The following TCERG1L variants were observed in gnomAD, a reference collection of about 807,000 sequenced individuals.
The protein encoded by TCERG1L is transcription elongation regulator 1 like.
In TCERG1L, 37 loss-of-function variants were observed where a neutral mutation model predicts 56.3. The ratio of observed to expected loss-of-function variants is 0.66; its 90% CI spans 0.51 to 0.87. The LOEUF (loss-of-function observed/expected upper bound fraction) is 0.87. Ranked by LOEUF, TCERG1L falls within the 40% of genes least tolerant of loss-of-function variation. The pLI is 0.00. For synonymous variants in TCERG1L, 324 were observed against 326.3 expected, an observed-to-expected ratio of 0.99 and a Z score of 0.08; for missense variants, 799 against 774.2, an observed-to-expected ratio of 1.03 and a Z score of -0.38.
At chr10:131,256,948 A>AGAAGGAAGGAAGGAAGGAAGGAAGGAAG (rs71009955) in intron 4 of TCERG1L, among the ~76,000 whole-genome samples, 31 of 60,792 alleles carry the variant, frequency 5.1e-4, no homozygotes, top group East Asian at 2.2e-3. Context: ...AGGAAGAGAA[A>AGAAGGAAGGAAGGAAGGAAGGAAGGAAG]GAAGGAAGGA....
rs577512953 is a variant in TCERG1L at position 131,109,471 on chromosome 10, T to G, written c.1396-5117A>C. Among the ~76,000 whole-genome samples, 1,215 of 147,544 alleles carry G rather than the reference T, an allele frequency of 8.2e-3. 14 individuals are homozygous for G. Among genetic ancestry groups the G allele is most frequent in the South Asian group, 0.022 (104 of 4,802 alleles). On this transcript the variant is annotated intron_variant, in intron 9 of 11. Coordinates refer to ENST00000368642, the MANE Select transcript of TCERG1L (RefSeq NM_174937.4). ...GGCTGTGTCTGTGACTGTGGCTGTG[T>G]CTGTGTCTGTGTCTGTGTCTGTGGC...
chr10:131,186,093 G>A (rs1370868), intron 4 of TCERG1L, among the ~76,000 whole-genome samples: 114,644 of 152,110 alleles, frequency 0.75, 44,740 homozygotes, highest in South Asian at 0.9. Flanking sequence ...TCTTAAGTTA[G>A]AAAAGCCAGA....
At chr10:131,271,621 G>A (rs1170101513) in intron 3 of TCERG1L, among the ~76,000 whole-genome samples, 1 of 152,202 alleles carries the variant, frequency 6.6e-6, no homozygotes, top group Non-Finnish European at 1.5e-5. Context: ...CCGCCGGTGG[G>A]ATGCAGAACA....
chr10:131,105,143 T>C (rs1845340208), intron 9 of TCERG1L, among the ~76,000 whole-genome samples: 1 of 152,222 alleles, frequency 6.6e-6, no homozygotes, highest in Admixed American at 6.5e-5. Context: ...CACTCCTCAG[T>C]TGGGATTTGT....
rs114150870 is a variant in TCERG1L, at chr10:131,162,874, C to T, written c.1034+248G>A. 2,299 of 365,532 alleles carry T rather than the reference C, an allele frequency of 6.3e-3. 45 individuals are homozygous for T. Among genetic ancestry groups the T allele is most frequent in the African/African-American group, 0.042 (2,036 of 48,046 alleles). 22.6% of individuals were successfully genotyped at this position (365,532 alleles called of 1,614,324 possible). A position where few individuals can be genotyped will look rare whatever the true frequency, so the allele number is the denominator to read the frequency against. ...CTGCCTTTCGCTGATAGACATGCAACAGCATTATCATTTTAATATATATTC... is the reference window on the plus strand; with the variant it reads ...CTGCCTTTCGCTGATAGACATGCAATAGCATTATCATTTTAATATATATTC... On this transcript the variant is annotated intron_variant, in intron 6 of 11. Transcript: ENST00000368642.
At chr10:131,275,468 C>G (rs1846381611) in intron 3 of TCERG1L, among the ~76,000 whole-genome samples, 1 of 152,148 alleles carries the variant, frequency 6.6e-6, no homozygotes, top group African/African-American at 2.4e-5. Context: ...TAATTTGTTG[C>G]ACAATAATTT....
At chr10:131,227,584 G>A (rs183948923) in intron 4 of TCERG1L, among the ~76,000 whole-genome samples, 9 of 152,306 alleles carry the variant, frequency 5.9e-5, no homozygotes, top group East Asian at 3.9e-4. Flanking sequence ...CAGCCCATGC[G>A]CCTGCATCCA....
intron 3 of TCERG1L, among the ~76,000 whole-genome samples, chr10:131,301,768 C>T (rs1846763595): frequency 6.6e-6 from 1 of 151,582 alleles, no homozygotes; most frequent in Non-Finnish European, 1.5e-5. Context: ...GTGAATGTCA[C>T]CCACAAAAAT....
chr10:131,094,345 T>C (rs755900077), intron 11 of TCERG1L, among the ~76,000 whole-genome samples: 4 of 152,178 alleles, frequency 2.6e-5, no homozygotes, highest in Non-Finnish European at 5.9e-5. Flanking sequence ...TTCTTCTTAT[T>C]CCCTCCCACT....
intron 4 of TCERG1L, among the ~76,000 whole-genome samples, chr10:131,215,167 A>G (rs1589751272): frequency 6.6e-6 from 1 of 152,196 alleles, no homozygotes; most frequent in Non-Finnish European, 1.5e-5. Context: ...TTACCTGCCA[A>G]TGATTTCCCT....
intron 4 of TCERG1L, among the ~76,000 whole-genome samples, chr10:131,224,925 T>G (rs1325533548): frequency 6.6e-6 from 1 of 152,316 alleles, no homozygotes. Context: ...ATGTCTCTCT[T>G]TACTAGTGGA....
Position 131,169,274 on chromosome 10 carries a change from G to A in TCERG1L, c.857-2389C>T, listed in dbSNP as rs991641112. ...GCCACAGAAAGGGGCAAGCAGATGG[G>A]GACACAGCCATGCCCTGGGGAACCC... On this transcript the variant is annotated intron_variant, in intron 4 of 11. Coordinates refer to ENST00000368642, the MANE Select transcript of TCERG1L (RefSeq NM_174937.4). Among the ~76,000 whole-genome samples, 9 of 149,820 alleles carry A rather than the reference G, an allele frequency of 6.0e-5. No individual in the cohort carries two copies. In the South Asian group the frequency reaches 2.0e-3, roughly 33 times the overall value.
rs944233608 is a variant in TCERG1L, at chr10:131,311,523, G to A, written c.113C>T (p.Pro38Leu). Residue 38 changes from proline to leucine, a missense_variant, in exon 1 of 12, where the codon CCC becomes CTC. Pro to Leu is a moderately conservative substitution (Grantham distance 98). Transcript: ENST00000368642. This position sits in a 1 kb window ranked among gnomAD's most constrained non-coding sequence, Gnocchi z 4.0. Reference protein sequence around the residue: ...PMDAEPPPPPPWVWMVPGSAG... With the variant: ...PMDAEPPPPPLWVWMVPGSAG... ...CGAGCCCGGCACCATCCAGACCCAG[G>A]GCGGCGGCGGCGGCGGCTCTGCGTC... The A allele has an allele frequency of 1.2e-5, 14 of 1,183,086 alleles. No homozygotes were observed. Among genetic ancestry groups the A allele is most frequent in the Middle Eastern group, 3.4e-4 (1 of 2,948 alleles). The allele number at this position is 1,183,086 out of a possible 1,614,324, so 73.3% of individuals were successfully genotyped here.
rs550329835 is a variant in TCERG1L, at chr10:131,191,821, C to T, written c.857-24936G>A. Among the ~76,000 whole-genome samples the T allele has an allele frequency of 1.2e-3, 151 of 123,836 alleles. 16 individuals carry two copies. Among genetic ancestry groups the T allele is most frequent in the Non-Finnish European group, 2.1e-3 (127 of 59,690 alleles). The allele number at this position is 123,836 out of a possible 152,430, so 81.2% of individuals were successfully genotyped here. On this transcript the variant is annotated intron_variant, in intron 4 of 11. Transcript: ENST00000368642. ...CAGAGCTTGCAGTGAGCTGAGATCG[C>T]GCCACTGCACTCCAGCCTGGGGGAC...
rs192445214 is a variant in TCERG1L, at chr10:131,151,606, C to T, written c.1035-4946G>A. Among the ~76,000 whole-genome samples, 1,181 of 152,210 alleles carry T rather than the reference C, an allele frequency of 7.8e-3. 13 individuals carry two copies. The highest frequency in any genetic ancestry group is 0.011 in the Admixed American group (165 of 15,298). On this transcript the variant is annotated intron_variant, in intron 6 of 11. Coordinates refer to ENST00000368642, the MANE Select transcript of TCERG1L (RefSeq NM_174937.4). ...TGTTGTTGAGTGATGGTGGCTTTTC[C>T]AGGTGCATGGTGCAAGCTGTAGGTG...
intron 11 of TCERG1L, among the ~76,000 whole-genome samples, chr10:131,096,936 A>G (rs1451963232): frequency 6.6e-6 from 1 of 151,166 alleles, no homozygotes; most frequent in Non-Finnish European, 1.5e-5. Flanking sequence ...ATGGTGTCTC[A>G]CGCCTGTAAT....
At chr10:131,241,226 A>C (rs1446728697) in intron 4 of TCERG1L, among the ~76,000 whole-genome samples, 2 of 152,240 alleles carry the variant, frequency 1.3e-5, no homozygotes, top group Non-Finnish European at 2.9e-5. Context: ...TGGGGAACAC[A>C]GGAAAACTAG....
At chr10:131,208,499 C>G in intron 4 of TCERG1L, among the ~76,000 whole-genome samples, 1 of 152,214 alleles carries the variant, frequency 6.6e-6, no homozygotes, top group East Asian at 1.9e-4. Flanking sequence ...GCATCCCCTT[C>G]TCATGTTGTG....
Position 131,104,326 on chromosome 10 carries a change from T to C in TCERG1L, c.1424A>G (p.Glu475Gly). The change falls in exon 10 of 12, where the codon GAA becomes GGA. Residue 475 changes from glutamate (E) to glycine (G), a missense_variant. Transcript: ENST00000368642. ...TGGGTCAAACACGATTTTGTGTAAT[T>C]CTTTCTCCCAGGTAGAAAATGCTGA... is the stretch of plus-strand genomic sequence containing the variant. ...GVSAFSTWEKELHKIVFDPRY... is the reference protein window; with the variant it reads ...GVSAFSTWEKGLHKIVFDPRY... 2 of 1,549,604 alleles carry C rather than the reference T, an allele frequency of 1.3e-6. No individual in the cohort carries two copies. The highest frequency in any genetic ancestry group is 1.7e-6 in the Non-Finnish European group (2 of 1,145,048).
Sources: gnomAD v4.1 joint callset for allele counts (sites outside exome capture counted in the v4.1 genomes callset) on GRCh38, gnomAD v4.1.1 for gene constraint, Gnocchi (gnomAD v3.1) non-coding constraint, MANE v1.5 for transcripts, NCBI Gene and HGNC (gene_info 2026-07-23, HGNC 2026-07-21) for gene names.